The following FGF12 variants were observed in gnomAD, a reference collection of about 807,000 sequenced individuals.
FGF12 encodes fibroblast growth factor 12B.
A neutral mutation model predicts 23.6 loss-of-function variants in FGF12; 14 were observed. That is an observed-to-expected ratio of 0.59 (90% CI 0.39 to 0.93). FGF12 has a LOEUF of 0.93. Among genes scored for constraint, FGF12 ranks in the 40% least tolerant of loss-of-function variants. The probability of loss-of-function intolerance (pLI) is 0.00; values close to 1 mark genes in which losing one functional copy is unlikely to be tolerated. For missense variants in FGF12, 175 were observed against 217.8 expected (o/e 0.80, Z 1.24); for synonymous variants, 62 against 77.3 (o/e 0.80, Z 1.04).
At chr3:192,593,136 T>C (rs1713694819) in intron 2 of FGF12, among the ~76,000 whole-genome samples, 1 of 151,888 alleles carries the variant, frequency 6.6e-6, no homozygotes, top group African/African-American at 2.4e-5. Context: ...CCCTTCATTC[T>C]TAATAAAATC....
intron 2 of FGF12, among the ~76,000 whole-genome samples, chr3:192,509,226 T>C (rs534687581): frequency 2.9e-4 from 44 of 152,296 alleles, no homozygotes; most frequent in African/African-American, 1.0e-3. Context: ...AAAGTCTGGG[T>C]TCCCTTCTCT....
At chr3:192,354,015 T>C (rs1718352098) in intron 3 of FGF12, among the ~76,000 whole-genome samples, 1 of 152,230 alleles carries the variant, frequency 6.6e-6, no homozygotes, top group Non-Finnish European at 1.5e-5. Context: ...AATAAAAGCT[T>C]CTGCTGACTT....
chr3:192,544,560 G>T (rs1725449544), intron 2 of FGF12, among the ~76,000 whole-genome samples: 2 of 152,094 alleles, frequency 1.3e-5, no homozygotes, highest in African/African-American at 4.8e-5. Flanking sequence ...GAATTTTACT[G>T]TAAATTTATT....
chr3:192,684,082 G>A (rs35974516), intron 2 of FGF12, among the ~76,000 whole-genome samples: 7,502 of 152,186 alleles, frequency 0.049, 225 homozygotes, highest in Middle Eastern at 0.088. Flanking sequence ...GCCTGCTCTC[G>A]ATGCAACATC....
chr3:192,673,593 G>A lies in FGF12; in HGVS notation c.13+53588C>T, dbSNP rs184099255. Reference sequence around the variant, plus strand: ...GTGTTGCTCCCCTCCCTGTGTCCATGTGTTCTCGCTGTTCAGCTCCCACCT... The same window carrying A: ...GTGTTGCTCCCCTCCCTGTGTCCATATGTTCTCGCTGTTCAGCTCCCACCT... On this transcript the variant is annotated intron_variant, in intron 2 of 5. Coordinates refer to ENST00000445105, the MANE Select transcript of FGF12 (RefSeq NM_004113.6). Among the ~76,000 whole-genome samples, 23 of 150,888 alleles carry A rather than the reference G, an allele frequency of 1.5e-4. No individual in the cohort carries two copies. The East Asian group carries it at 4.1e-3, about 27-fold the overall frequency.
intron 2 of FGF12, among the ~76,000 whole-genome samples, chr3:192,430,888 G>C (rs985272526): frequency 6.6e-5 from 10 of 152,088 alleles, no homozygotes; most frequent in Non-Finnish European, 1.5e-4. Context: ...ATTGTTATTG[G>C]AATTTCTCAA....
At chr3:192,690,097 C>A (rs1717894255) in intron 2 of FGF12, among the ~76,000 whole-genome samples, 1 of 151,800 alleles carries the variant, frequency 6.6e-6, no homozygotes, top group African/African-American at 2.4e-5. Flanking sequence ...CATTCACAGA[C>A]AAATAAAAGC....
chr3:192,721,080 G>T (rs1399069789), intron 2 of FGF12, among the ~76,000 whole-genome samples: 1 of 152,094 alleles, frequency 6.6e-6, no homozygotes, highest in Non-Finnish European at 1.5e-5. Context: ...AATCCCTTTT[G>T]GTAAAGTGAA....
chr3:192,545,474 C>G (rs935135252), intron 2 of FGF12, among the ~76,000 whole-genome samples: 1 of 152,184 alleles, frequency 6.6e-6, no homozygotes, highest in Non-Finnish European at 1.5e-5. Flanking sequence ...ACAGAAAACC[C>G]TTCACAAGTA....
intron 2 of FGF12, among the ~76,000 whole-genome samples, chr3:192,397,223 C>T (rs181650547): frequency 3.0e-4 from 45 of 152,280 alleles, no homozygotes; most frequent in African/African-American, 8.4e-4. Context: ...GGCGGCCTGG[C>T]CACAATGCTG....
rs140088527 is a variant in FGF12, at chr3:192,226,784, AT to A, written c.229-56129del. ...AAAATGCCAAGAGACTGAATGTTAA[AT>A]GTTATCACCACAAAAATGATAGCTA... On this transcript the variant is annotated intron_variant, in intron 4 of 5. Coordinates refer to ENST00000445105, the MANE Select transcript of FGF12 (RefSeq NM_004113.6). Among the ~76,000 whole-genome samples, 525 of 152,280 alleles carry A rather than the reference AT, an allele frequency of 3.4e-3. 1 individual carries two copies. Among genetic ancestry groups the A allele is most frequent in the African/African-American group, 0.012 (519 of 41,564 alleles).
intron 2 of FGF12, among the ~76,000 whole-genome samples, chr3:192,628,497 GTA>G (rs1406995524): frequency 9.7e-6 from 1 of 103,370 alleles, no homozygotes; most frequent in Non-Finnish European, 1.9e-5. Flanking sequence ...AGACATATAT[GTA>G]TATATATATT....
At position 192,439,735 on chromosome 3, in the gene FGF12, G is replaced by A. The variant is rs575194435; in HGVS notation, c.14-79197C>T. Among the ~76,000 whole-genome samples, 129 of 152,280 alleles carry A rather than the reference G, an allele frequency of 8.5e-4. 2 individuals carry two copies. Among genetic ancestry groups the A allele is most frequent in the Admixed American group, 8.4e-3 (129 of 15,304 alleles). ...CTCACGCCTGTAATCCCAGCACTTT[G>A]GGAGGCCAAGGTGGGTGAATCACAA... On this transcript the variant is annotated intron_variant, in intron 2 of 5. Transcript: ENST00000445105.
intron 2 of FGF12, among the ~76,000 whole-genome samples, chr3:192,444,280 CT>C (rs1722287004): frequency 3.3e-5 from 5 of 152,126 alleles, no homozygotes; most frequent in Admixed American, 3.3e-4. Context: ...TTTGAGCTCA[CT>C]TTTTTTCAAA....
chr3:192,304,797 A>G (rs1012698216), intron 4 of FGF12, among the ~76,000 whole-genome samples: 7 of 152,168 alleles, frequency 4.6e-5, no homozygotes, highest in African/African-American at 1.7e-4. Flanking sequence ...TGCTTATTCC[A>G]TACTCAGAAC....
intron 2 of FGF12, among the ~76,000 whole-genome samples, chr3:192,473,100 G>A (rs752192210): frequency 2.0e-5 from 3 of 152,084 alleles, no homozygotes; most frequent in Non-Finnish European, 4.4e-5. Context: ...CAGAGCCTAT[G>A]AGTTTACTCA....
At position 192,527,077 on chromosome 3, in the gene FGF12, G is replaced by A. The variant is rs138541997; in HGVS notation, c.14-166539C>T. ...CATATATTGATAAAATTTGGAGGTG[G>A]GGCCTTTGGGAGGTAATTAGGATTA... On this transcript the variant is annotated intron_variant, in intron 2 of 5. Transcript: ENST00000445105. Among the ~76,000 whole-genome samples the A allele has an allele frequency of 5.7e-3, 875 of 152,216 alleles. 9 individuals carry two copies. Among genetic ancestry groups the A allele is most frequent in the African/African-American group, 0.02 (838 of 41,510 alleles).
intron 3 of FGF12, among the ~76,000 whole-genome samples, chr3:192,356,495 C>A (rs1372862588): frequency 2.0e-5 from 3 of 149,782 alleles, no homozygotes; most frequent in African/African-American, 7.7e-5. Flanking sequence ...ACCCTCCAAA[C>A]TGCCATTGTC....
At chr3:192,209,307 C>G (rs147229225) in intron 4 of FGF12, among the ~76,000 whole-genome samples, 1 of 152,164 alleles carries the variant, frequency 6.6e-6, no homozygotes, top group East Asian at 1.9e-4. Context: ...CATCTTGAAT[C>G]AAGAGGTGAT....
Sources: gnomAD v4.1 joint callset for allele counts (sites outside exome capture counted in the v4.1 genomes callset) on GRCh38, gnomAD v4.1.1 for gene constraint, MANE v1.5 for transcripts, NCBI Gene and HGNC (gene_info 2026-07-23, HGNC 2026-07-21) for gene names.